SEPTIN10: variants seen among roughly 807,000 people sequenced by gnomAD.
SEPTIN10 encodes the protein septin-10.
SEPTIN10 carries 66 observed loss-of-function variants against 54.8 expected under a neutral mutation model. The ratio of observed to expected loss-of-function variants is 1.21; its 90% CI spans 0.99 to 1.48. The LOEUF is 1.48. SEPTIN10 is among the 40% of genes most tolerant of loss of function. The probability of loss-of-function intolerance (pLI) is 0.00; values close to 1 mark genes in which losing one functional copy is unlikely to be tolerated. For synonymous variants in SEPTIN10, 161 were observed against 181.0 expected (o/e 0.89, Z 0.89); for missense variants, 620 against 545.6 (o/e 1.14, Z -1.36).
chr2:109,612,992 G>A (rs1285249412), intron 1 of SEPTIN10: 4 of 458,134 alleles, frequency 8.7e-6, no homozygotes, highest in Non-Finnish European at 1.7e-5. Flanking sequence ...AGCCTCCAAA[G>A]AGCTTTTGTT....
chr2:109,580,711 C>T (rs1459939443), intron 4 of SEPTIN10, among the ~76,000 whole-genome samples: 1 of 152,142 alleles, frequency 6.6e-6, no homozygotes, highest in East Asian at 1.9e-4. Flanking sequence ...AACTAGAAAC[C>T]TGAACAAAAT....
intron 5 of SEPTIN10, among the ~76,000 whole-genome samples, chr2:109,572,863 C>T (rs529890926): frequency 2.0e-5 from 3 of 152,224 alleles, no homozygotes; most frequent in Non-Finnish European, 2.9e-5. Context: ...GATCCGCCTG[C>T]CTTGGCCTCC....
At chr2:109,585,463 C>T in intron 3 of SEPTIN10, 142 bp from the exon 4 acceptor site, 1 of 719,328 alleles carries the variant, frequency 1.4e-6, no homozygotes. Context: ...TACGGCTGGT[C>T]CCCCAAGTCA....
intron 8 of SEPTIN10, among the ~76,000 whole-genome samples, chr2:109,556,583 AC>A (rs1363837236): frequency 1.3e-5 from 2 of 151,992 alleles, no homozygotes; most frequent in Non-Finnish European, 2.9e-5. Context: ...TGTGCAAAAT[AC>A]CCTAGACATC....
chr2:109,554,819 A>G (rs1370327937), intron 8 of SEPTIN10, among the ~76,000 whole-genome samples: 5 of 152,184 alleles, frequency 3.3e-5, no homozygotes, highest in African/African-American at 1.2e-4. Context: ...CTATAGCATG[A>G]AATATGAAGC....
chr2:109,612,066 A>G (rs1476432015), intron 1 of SEPTIN10, among the ~76,000 whole-genome samples: 1 of 152,216 alleles, frequency 6.6e-6, no homozygotes, highest in Non-Finnish European at 1.5e-5. Context: ...CCAATAGCCA[A>G]CAACTGAAAA....
intron 8 of SEPTIN10, among the ~76,000 whole-genome samples, chr2:109,555,672 G>A (rs1360261507): frequency 1.3e-5 from 2 of 152,162 alleles, no homozygotes; most frequent in Admixed American, 6.5e-5. Flanking sequence ...CACATCTGAA[G>A]CCTGTTAGCA....
chr2:109,547,291 G>T, intron 9 of SEPTIN10, among the ~76,000 whole-genome samples: 1 of 151,306 alleles, frequency 6.6e-6, no homozygotes, highest in East Asian at 1.9e-4. Flanking sequence ...ATAGAAGGTA[G>T]AATGCAGTCG....
intron 8 of SEPTIN10, among the ~76,000 whole-genome samples, chr2:109,556,913 C>T (rs1055563513): frequency 6.6e-6 from 1 of 151,984 alleles, no homozygotes. Flanking sequence ...AGCAAACTAT[C>T]GCAAGGACAA....
chr2:109,562,902 C>T (rs1369334870), intron 8 of SEPTIN10, among the ~76,000 whole-genome samples: 1 of 151,252 alleles, frequency 6.6e-6, no homozygotes, highest in East Asian at 2.0e-4. Flanking sequence ...GGGTTAAGTA[C>T]ACACAATGCT....
chr2:109,557,542 T>C (rs1252192083), intron 8 of SEPTIN10, among the ~76,000 whole-genome samples: 6 of 152,216 alleles, frequency 3.9e-5, no homozygotes, highest in African/African-American at 1.2e-4. Flanking sequence ...ACAAATCAGA[T>C]TGCCCCAATG....
intron 1 of SEPTIN10, 58 bp downstream of exon 1, chr2:109,613,740 G>A: frequency 8.9e-7 from 1 of 1,126,746 alleles, no homozygotes; most frequent in Non-Finnish European, 1.1e-6. Flanking sequence ...TCGAGGGCGG[G>A]AAGTCCCGCG....
At chr2:109,547,330 T>C (rs999368830) in intron 9 of SEPTIN10, among the ~76,000 whole-genome samples, 3 of 151,376 alleles carry the variant, frequency 2.0e-5, no homozygotes, top group African/African-American at 7.3e-5. Flanking sequence ...ATTGACTGTA[T>C]CACCCCTGTA....
intron 1 of SEPTIN10, chr2:109,605,765 A>AC (rs1697803979): frequency 1.3e-5 from 2 of 152,236 alleles, no homozygotes; most frequent in Admixed American, 1.3e-4. Context: ...ACTGTAAATT[A>AC]TAATTCTTTT....
At chr2:109,612,235 T>C (rs1343391816) in intron 1 of SEPTIN10, among the ~76,000 whole-genome samples, 3 of 152,064 alleles carry the variant, frequency 2.0e-5, no homozygotes, top group Non-Finnish European at 4.4e-5. Flanking sequence ...GTGATTCCAT[T>C]ATATAAGTCT....
intron 8 of SEPTIN10, among the ~76,000 whole-genome samples, chr2:109,555,624 G>A (rs185734633): frequency 7.2e-4 from 109 of 152,304 alleles, no homozygotes; most frequent in African/African-American, 2.3e-3. Context: ...GGGCAGTCAC[G>A]ACCCAGGCAC....
At chr2:109,556,668 A>C (rs1336082960) in intron 8 of SEPTIN10, among the ~76,000 whole-genome samples, 8 of 151,400 alleles carry the variant, frequency 5.3e-5, no homozygotes, top group Non-Finnish European at 1.0e-4. Flanking sequence ...CTTTTTTTTT[A>C]AAGAAGCCCC....
At position 109,585,819 on chromosome 2, in the gene SEPTIN10, G is replaced by T. The variant is rs761951489; in HGVS notation, c.119C>A (p.Ser40Ter). The T allele has an allele frequency of 1.2e-6, 2 of 1,612,484 alleles. No individual in the cohort carries two copies. Among genetic ancestry groups the T allele is most frequent in the South Asian group, 1.1e-5 (1 of 90,964 alleles). Residue 40 changes from serine to a stop codon, truncating the protein, a stop_gained, in exon 3 of 11, where the codon TCG becomes TAG. Transcript: ENST00000397712. LOFTEE classifies it high-confidence loss of function. ...DEQIKRENIR[S>*]LTMSGHVGFE... ...ACCAACATGGCCAGACATAGTCAACGAACGAATGTTTTCTCTTTTCTGAAG... is the reference window on the plus strand; with the variant it reads ...ACCAACATGGCCAGACATAGTCAACTAACGAATGTTTTCTCTTTTCTGAAG...
intron 1 of SEPTIN10, among the ~76,000 whole-genome samples, chr2:109,600,849 C>T (rs776513571): frequency 7.2e-5 from 11 of 152,196 alleles, no homozygotes; most frequent in Non-Finnish European, 1.6e-4. Flanking sequence ...ACCCCCATCT[C>T]GGGTTCAATT....
Sources: gnomAD v4.1 joint callset for allele counts (sites outside exome capture counted in the v4.1 genomes callset) on GRCh38, gnomAD v4.1.1 for gene constraint, MANE v1.5 for transcripts, NCBI Gene and HGNC (gene_info 2026-07-23, HGNC 2026-07-21) for gene names.